BRWD1: variants seen among roughly 807,000 people sequenced by gnomAD.
BRWD1 encodes the protein bromodomain and WD repeat-containing protein 1.
In BRWD1, 82 loss-of-function variants were observed where a neutral mutation model predicts 251.2. That is an observed-to-expected ratio of 0.33 (90% CI 0.27 to 0.39). The LOEUF (loss-of-function observed/expected upper bound fraction) is 0.39. BRWD1 is among the 10% of genes least tolerant of loss of function. BRWD1 has a pLI of 1.00. For synonymous variants in BRWD1, 918 were observed against 902.8 expected, an observed-to-expected ratio of 1.02 and a Z score of -0.30; for missense variants, 2,233 against 2,711.6, an observed-to-expected ratio of 0.82 and a Z score of 3.92.
chr21:39,267,392 G>A (rs1364597964), intron 15 of BRWD1, among the ~76,000 whole-genome samples: 4 of 152,024 alleles, frequency 2.6e-5, no homozygotes, highest in African/African-American at 9.7e-5. Flanking sequence ...TCAGGAGATC[G>A]AGACCATCCT....
chr21:39,241,077 T>G (rs558879226), intron 21 of BRWD1, among the ~76,000 whole-genome samples: 2,317 of 151,894 alleles, frequency 0.015, 59 homozygotes, highest in African/African-American at 0.053. Context: ...ATTTTTTTTT[T>G]TTTTTGTATT....
intron 23 of BRWD1, chr21:39,235,970 G>T (rs554952466): frequency 9.4e-6 from 2 of 212,850 alleles, no homozygotes; most frequent in South Asian, 9.5e-5. Context: ...GAGGCTTATG[G>T]AATTTCTGCA....
At chr21:39,237,760 G>A (rs969492792) in intron 22 of BRWD1, among the ~76,000 whole-genome samples, 3 of 152,100 alleles carry the variant, frequency 2.0e-5, no homozygotes, top group Non-Finnish European at 4.4e-5. Context: ...GTCAATGTAC[G>A]TAACAGTACT....
Position 39,229,450 on chromosome 21 carries a change from ATTTTTT to A in BRWD1, c.3001-20_3001-15del. 2 of 1,593,880 alleles carry A rather than the reference ATTTTTT, an allele frequency of 1.3e-6. No homozygotes were observed. Among genetic ancestry groups the A allele is most frequent in the African/African-American group, 1.3e-5 (1 of 74,388 alleles). On this transcript the variant is annotated splice_polypyrimidine_tract_variant and intron_variant, in intron 25 of 40. Coordinates refer to ENST00000342449, the MANE Select transcript of BRWD1 (RefSeq NM_033656.4). ...CAATTCTTGATCCTTTAACAGACAT[ATTTTTT>A]AATGGTTAAAATAAAAGCAATTCCT...
chr21:39,185,323 C>T (rs1242792718), downstream of BRWD1: 77 of 57,984 alleles, frequency 1.3e-3, no homozygotes, highest in Non-Finnish European at 2.0e-3. Flanking sequence ...AAAAAAAAAA[C>T]TTTGCATAAA....
rs78577440 is a variant in BRWD1 at position 39,208,714 on chromosome 21, G to T, written c.4197+1281C>A. 6.2e-4 allele frequency among the ~76,000 whole-genome samples: 94 copies of T among 152,114 alleles called. No homozygotes were observed. In the East Asian group the frequency reaches 0.016, roughly 25 times the overall value. On this transcript the variant is annotated intron_variant, in intron 36 of 40. Coordinates refer to ENST00000342449, the MANE Select transcript of BRWD1 (RefSeq NM_033656.4). ...CCTCGTGCCTATAGGTGGGATTACAGGCAAGCGCCAACACGGGCTAATTTT... is the reference window on the plus strand; with the variant it reads ...CCTCGTGCCTATAGGTGGGATTACATGCAAGCGCCAACACGGGCTAATTTT...
At chr21:39,313,960 C>G (rs1458147281), upstream of BRWD1, 1 of 354,244 alleles carries the variant, frequency 2.8e-6, no homozygotes, top group African/African-American at 2.3e-5. Context: ...GGCGGAAGCG[C>G]GGCCACAAGA....
At chr21:39,304,111 A>G (rs1214465831) in intron 4 of BRWD1, among the ~76,000 whole-genome samples, 1 of 143,948 alleles carries the variant, frequency 6.9e-6, no homozygotes, top group Non-Finnish European at 1.5e-5. Context: ...ATTGCACTCC[A>G]GCCTGGGCAA....
At chr21:39,236,807 G>T in intron 22 of BRWD1, 23 bp from the exon 23 acceptor site, 1 of 1,599,630 alleles carries the variant, frequency 6.3e-7, no homozygotes, top group South Asian at 1.1e-5. Flanking sequence ...AGTGCTTTCA[G>T]TTGAATGGAG....
At chr21:39,223,709 G>C (rs370868436) in intron 29 of BRWD1, among the ~76,000 whole-genome samples, 10 of 152,154 alleles carry the variant, frequency 6.6e-5, no homozygotes, top group African/African-American at 2.2e-4. Flanking sequence ...GTCTATTTCA[G>C]TAGAAAATCC....
At chr21:39,203,890 G>C (rs1038781223) in intron 37 of BRWD1, among the ~76,000 whole-genome samples, 6 of 141,954 alleles carry the variant, frequency 4.2e-5, no homozygotes, top group African/African-American at 1.6e-4. Flanking sequence ...AGTGGCTTAT[G>C]CATGTAATCC....
chr21:39,296,504 G>T, intron 5 of BRWD1, 141 bp from the exon 6 acceptor site: 4 of 1,259,362 alleles, frequency 3.2e-6, no homozygotes, highest in Non-Finnish European at 4.0e-6. Flanking sequence ...AGCCCTGGAG[G>T]TTTATTAGAC....
intron 38 of BRWD1, 33 bp downstream of exon 38, chr21:39,202,292 A>G: frequency 3.2e-6 from 5 of 1,540,526 alleles, no homozygotes; most frequent in Non-Finnish European, 4.5e-6. Context: ...TTGGGTGCTC[A>G]GCAAAGAAAT....
At chr21:39,314,006 G>A (rs1187605223), upstream of BRWD1, 2 of 449,382 alleles carry the variant, frequency 4.5e-6, no homozygotes, top group Non-Finnish European at 9.0e-6. Flanking sequence ...TGGGACCTGG[G>A]TCCTCTACGC....
chr21:39,292,860 A>G (rs2035855268), intron 8 of BRWD1, among the ~76,000 whole-genome samples: 1 of 152,202 alleles, frequency 6.6e-6, no homozygotes, highest in African/African-American at 2.4e-5. Flanking sequence ...CAAACAACCT[A>G]AATAAAATAC....
At chr21:39,220,115 TGTGGGTGG>T (rs1240750001) in intron 29 of BRWD1, among the ~76,000 whole-genome samples, 2 of 132,394 alleles carry the variant, frequency 1.5e-5, no homozygotes, top group East Asian at 5.1e-4. Flanking sequence ...GGGCAAGGGG[TGTGGGTGG>T]GTGGGTGTGT....
chr21:39,211,024 A>G lies in BRWD1; in HGVS notation c.3901-95T>C, dbSNP rs2032633155. ...ATCTACTGTCTTCTATAAAAATACA[A>G]TAATGTCATATATGTTGCTCTCAAC... On this transcript the variant is annotated intron_variant, in intron 34 of 40. Transcript: ENST00000342449. 5 of 1,240,536 alleles carry G rather than the reference A, an allele frequency of 4.0e-6. No individual in the cohort carries two copies. The Admixed American group carries it at 1.2e-4, about 29-fold the overall frequency. The allele number at this position is 1,240,536 out of a possible 1,614,324, so 76.8% of individuals were successfully genotyped here.
chr21:39,249,221 G>A (rs2034308393), intron 20 of BRWD1, among the ~76,000 whole-genome samples: 2 of 152,152 alleles, frequency 1.3e-5, no homozygotes, highest in South Asian at 4.1e-4. Flanking sequence ...CGTGGAAAAA[G>A]GGTGAGGACC....
chr21:39,205,127 T>C (rs541930533), intron 37 of BRWD1, among the ~76,000 whole-genome samples: 128 of 152,286 alleles, frequency 8.4e-4, no homozygotes, highest in African/African-American at 2.9e-3. Context: ...GACTAGTCTT[T>C]TCAGAATGTA....
Sources: gnomAD v4.1 joint callset for allele counts (sites outside exome capture counted in the v4.1 genomes callset) on GRCh38, gnomAD v4.1.1 for gene constraint, MANE v1.5 for transcripts, NCBI Gene and HGNC (gene_info 2026-07-23, HGNC 2026-07-21) for gene names.